Variants in CFAP52 observed in about 807,000 individuals in gnomAD.
The protein encoded by CFAP52 is cilia- and flagella-associated protein 52.
In CFAP52, 57 loss-of-function variants were observed where a neutral mutation model predicts 70.5. The ratio of observed to expected loss-of-function variants is 0.81; its 90% CI spans 0.65 to 1.01. CFAP52 has a LOEUF of 1.01. Among genes scored for constraint, CFAP52 ranks in the 50% least tolerant of loss-of-function variants. The pLI is 0.00. For missense variants in CFAP52, 785 were observed against 788.5 expected (o/e 1.00, Z 0.05); for synonymous variants, 267 against 292.5 (o/e 0.91, Z 0.89).
At chr17:9,633,725 G>A (rs542822077) in intron 10 of CFAP52, among the ~76,000 whole-genome samples, 30 of 149,654 alleles carry the variant, frequency 2.0e-4, no homozygotes, top group African/African-American at 6.9e-4. Context: ...CACCCAGGCT[G>A]GACTGCAGTG....
chr17:9,605,491 A>G (rs912819665), intron 6 of CFAP52, among the ~76,000 whole-genome samples: 1 of 152,000 alleles, frequency 6.6e-6, no homozygotes, highest in African/African-American at 2.4e-5. Flanking sequence ...AGACGAGCAG[A>G]TCATGAGGTC....
In CFAP52 at chr17:9,629,872, G is replaced by A. The variant is rs2937973; in HGVS notation, c.1174+1052G>A. ...CCCAAAGTGATGGGATTACAGGAGT[G>A]AGCCACTGCACCCGGTCCTCACTCC... On this transcript the variant is annotated intron_variant, in intron 9 of 13. Coordinates refer to ENST00000352665, the MANE Select transcript of CFAP52 (RefSeq NM_145054.5). 4.0e-3 allele frequency among the ~76,000 whole-genome samples: 607 copies of A among 152,110 alleles called. 5 individuals are homozygous for A. The highest frequency in any genetic ancestry group is 0.014 in the African/African-American group (569 of 41,498).
chr17:9,628,127 C>A lies in CFAP52; in HGVS notation c.1026-545C>A, dbSNP rs565660195. ...TTTAAATTGGCTTATTCTTTTTGAG[C>A]AACTTTGTCCCAACCCTTCCTAAAG... On this transcript the variant is annotated intron_variant, in intron 8 of 13. Coordinates refer to ENST00000352665, the MANE Select transcript of CFAP52 (RefSeq NM_145054.5). Among the ~76,000 whole-genome samples, 3 of 152,258 alleles carry A rather than the reference C, an allele frequency of 2.0e-5. No individual in the cohort carries two copies. In the South Asian group the frequency reaches 6.2e-4, roughly 32 times the overall value.
At chr17:9,605,586 C>G (rs1209725648) in intron 6 of CFAP52, among the ~76,000 whole-genome samples, 2 of 149,816 alleles carry the variant, frequency 1.3e-5, no homozygotes, top group Admixed American at 6.7e-5. Context: ...GTTCCAGCTA[C>G]TCGGGAGGCT....
At chr17:9,603,483 A>T (rs963623974) in intron 6 of CFAP52, among the ~76,000 whole-genome samples, 4 of 152,234 alleles carry the variant, frequency 2.6e-5, no homozygotes, top group Non-Finnish European at 4.4e-5. Context: ...TGCTGGGATT[A>T]CAGGCGTGAG....
Position 9,593,478 on chromosome 17 carries a change from C to T in CFAP52, c.408-715C>T, listed in dbSNP as rs575603311. 3.2e-4 allele frequency among the ~76,000 whole-genome samples: 48 copies of T among 152,276 alleles called. No homozygotes were observed. The South Asian group carries it at 4.8e-3, about 15-fold the overall frequency. On this transcript the variant is annotated intron_variant, in intron 3 of 13. Coordinates refer to ENST00000352665, the MANE Select transcript of CFAP52 (RefSeq NM_145054.5). ...TTGTTTTTGTTTTTTGTTTTCGAGA[C>T]GCAGTCTCGCTCTCTTGCCCAGGCT...
intron 1 of CFAP52, chr17:9,584,089 C>G (rs548880193): frequency 1.4e-6 from 1 of 702,760 alleles, no homozygotes; most frequent in South Asian, 2.9e-5. Context: ...ATGTTGGGGC[C>G]TTCTGCAGAT....
At chr17:9,622,350 C>G (rs1910073634) in intron 8 of CFAP52, among the ~76,000 whole-genome samples, 1 of 152,024 alleles carries the variant, frequency 6.6e-6, no homozygotes, top group Non-Finnish European at 1.5e-5. Context: ...GAGTTTGAGA[C>G]TAGCTGGGCA....
At chr17:9,627,258 C>T (rs762140907) in intron 8 of CFAP52, among the ~76,000 whole-genome samples, 4 of 152,036 alleles carry the variant, frequency 2.6e-5, no homozygotes, top group Non-Finnish European at 5.9e-5. Context: ...ACCTGTAATC[C>T]CAGCACTTTG....
intron 1 of CFAP52, among the ~76,000 whole-genome samples, chr17:9,584,009 G>A (rs1295764308): frequency 6.6e-6 from 1 of 152,198 alleles, no homozygotes; most frequent in Non-Finnish European, 1.5e-5. Context: ...CTGAATCAGG[G>A]AAATTAGAGG....
At chr17:9,584,462 A>G (rs758150811) in intron 1 of CFAP52, 65 of 980,298 alleles carry the variant, frequency 6.6e-5, no homozygotes, top group South Asian at 8.3e-5. Flanking sequence ...GTATCAATTT[A>G]AAGTGTATAA....
Position 9,612,447 on chromosome 17 carries a change from C to T in CFAP52, c.993C>T (p.His331=). Residue 331 remains histidine (H), a synonymous_variant, in exon 8 of 14, where the codon CAC becomes CAT. Transcript: ENST00000352665. ...DFKETLIATC[H]FDAVEDIVFP... ...AAGAGACGCTCATAGCGACTTGTCA[C>T]TTTGATGCTGTCGAGGATATTGTCT... is the stretch of plus-strand genomic sequence containing the variant. The T allele has an allele frequency of 6.2e-7, 1 of 1,614,168 alleles. No individual in the cohort carries two copies. Among genetic ancestry groups the T allele is most frequent in the Non-Finnish European group, 8.5e-7 (1 of 1,180,042 alleles).
chr17:9,627,340 T>A (rs773606802), intron 8 of CFAP52, among the ~76,000 whole-genome samples: 3 of 152,052 alleles, frequency 2.0e-5, no homozygotes, highest in Non-Finnish European at 4.4e-5. Context: ...TGAAACCCCG[T>A]CTCTACTAAA....
chr17:9,611,780 G>A (rs1425034091), intron 7 of CFAP52, among the ~76,000 whole-genome samples: 4 of 152,036 alleles, frequency 2.6e-5, no homozygotes, highest in Non-Finnish European at 5.9e-5. Flanking sequence ...ACATATACAC[G>A]TACTACATAA....
chr17:9,641,830 T>C lies in CFAP52; in HGVS notation c.1682T>C (p.Val561Ala). ...ATCACACAGGAAGGGGTGCACTTTG[T>C]CACAGGTTAGTCCTGGGATAGGAAA... ...MDITQEGVHF[V>A]TGGNDHLVKV... Residue 561 changes from valine to alanine, a missense_variant, in exon 13 of 14, where the codon GTC (valine) becomes GCC (alanine). Coordinates refer to ENST00000352665, the MANE Select transcript of CFAP52 (RefSeq NM_145054.5). 2 of 1,613,532 alleles carry C rather than the reference T, an allele frequency of 1.2e-6. No individual in the cohort carries two copies. Among genetic ancestry groups the C allele is most frequent in the Non-Finnish European group, 1.7e-6 (2 of 1,179,550 alleles).
At position 9,637,855 on chromosome 17, in the gene CFAP52, C is replaced by T. The variant is rs537926886; in HGVS notation, c.1473-754C>T. ...CTCCCACAAGTGCTGGGATTGTAGG[C>T]GTGAGCTGCTGCACTCGGCCCATAA... On this transcript the variant is annotated intron_variant, in intron 11 of 13. Coordinates refer to ENST00000352665, the MANE Select transcript of CFAP52 (RefSeq NM_145054.5). Among the ~76,000 whole-genome samples the T allele has an allele frequency of 3.9e-5, 6 of 152,316 alleles. No homozygotes were observed. In the East Asian group the frequency reaches 7.7e-4, roughly 20 times the overall value.
rs766472420 is a variant in CFAP52, at chr17:9,612,434, T to C, written c.980T>C (p.Ile327Thr). 3 of 1,614,092 alleles carry C rather than the reference T, an allele frequency of 1.9e-6. No individual in the cohort carries two copies. Among genetic ancestry groups the C allele is most frequent in the African/African-American group, 1.3e-5 (1 of 74,946 alleles). The part of the protein sequence containing the change: ...VSFTDFKETL[I>T]ATCHFDAVED... ...TTCACGGATTTCAAAGAGACGCTCATAGCGACTTGTCACTTTGATGCTGTC... is the reference window on the plus strand; with the variant it reads ...TTCACGGATTTCAAAGAGACGCTCACAGCGACTTGTCACTTTGATGCTGTC... The change falls in exon 8 of 14, where the codon ATA (isoleucine) becomes ACA (threonine). Residue 327 changes from isoleucine to threonine, a missense_variant. Ile to Thr is a moderately conservative substitution (Grantham distance 89). Coordinates refer to ENST00000352665, the MANE Select transcript of CFAP52 (RefSeq NM_145054.5).
chr17:9,645,514 C>G (rs1313466193), downstream of CFAP52: 2 of 1,013,426 alleles, frequency 2.0e-6, no homozygotes, highest in Admixed American at 4.9e-5. The surrounding 1 kb of genome is among the most constrained non-coding windows in gnomAD (Gnocchi z 6.8). Context: ...GCCCCGTCCC[C>G]GCACACCTGG....
chr17:9,600,217 T>C (rs1909208427), intron 6 of CFAP52, 34 bp downstream of exon 6: 1 of 1,567,444 alleles, frequency 6.4e-7, no homozygotes, highest in Admixed American at 1.7e-5. Flanking sequence ...CCCTGCCATT[T>C]TTCTCCCTTC....
Sources: allele counts gnomAD v4.1 joint callset (sites outside exome capture counted in the v4.1 genomes callset), GRCh38; gene constraint gnomAD v4.1.1; non-coding constraint Gnocchi (gnomAD v3.1); transcripts MANE v1.5; gene names NCBI Gene and HGNC (gene_info 2026-07-23, HGNC 2026-07-21).